Variants in FAM193A observed in about 807,000 individuals in gnomAD.
FAM193A encodes the protein family with sequence similarity 193 member A.
FAM193A carries 22 observed loss-of-function variants against 126.5 expected under a neutral mutation model. That is an observed-to-expected ratio of 0.17 (90% CI 0.12 to 0.25). The LOEUF (loss-of-function observed/expected upper bound fraction) is 0.25. Ranked by LOEUF, FAM193A falls within the 10% of genes least tolerant of loss-of-function variation. The pLI is 1.00. For synonymous variants in FAM193A, 761 were observed against 646.8 expected (o/e 1.18, Z -2.68); for missense variants, 1,675 against 1,672.8 (o/e 1.00, Z -0.02).
At chr4:2,665,888 C>T (rs1713055443) in intron 12 of FAM193A, among the ~76,000 whole-genome samples, 1 of 152,124 alleles carries the variant, frequency 6.6e-6, no homozygotes, top group Non-Finnish European at 1.5e-5. Context: ...GCTCTGTTGC[C>T]CAGGCTGGTG....
chr4:2,559,784 A>C (rs1738489427), intron 1 of FAM193A, among the ~76,000 whole-genome samples: 1 of 152,056 alleles, frequency 6.6e-6, no homozygotes, highest in African/African-American at 2.4e-5. Flanking sequence ...GGCTGCACGG[A>C]CAGCTGAGCG....
chr4:2,610,230 C>CAAAAA (rs1741782787), intron 2 of FAM193A, among the ~76,000 whole-genome samples: 1 of 151,936 alleles, frequency 6.6e-6, no homozygotes. Flanking sequence ...GACTCTGTCT[C>CAAAAA]AAAAACAAAA....
chr4:2,705,137 C>T (rs1329909207), intron 19 of FAM193A, among the ~76,000 whole-genome samples: 1 of 152,176 alleles, frequency 6.6e-6, no homozygotes, highest in Admixed American at 6.5e-5. Context: ...GTCTCAATCT[C>T]CTGACCTCAC....
chr4:2,651,350 A>C (rs1357759034), intron 7 of FAM193A, among the ~76,000 whole-genome samples: 3 of 152,122 alleles, frequency 2.0e-5, no homozygotes, highest in East Asian at 3.8e-4. Flanking sequence ...CCAATAAAAC[A>C]AAAAACCTAC....
intron 2 of FAM193A, among the ~76,000 whole-genome samples, chr4:2,601,427 G>T (rs1021355568): frequency 4.6e-5 from 7 of 151,704 alleles, no homozygotes; most frequent in Non-Finnish European, 1.0e-4. Flanking sequence ...TAGAGATGGG[G>T]TTTCGCCATG....
chr4:2,591,651 A>G (rs140684586), intron 1 of FAM193A, among the ~76,000 whole-genome samples: 1 of 152,164 alleles, frequency 6.6e-6, no homozygotes, highest in Non-Finnish European at 1.5e-5. Context: ...GTTTATAAGA[A>G]GTTTATCTGT....
chr4:2,623,855 T>C (rs536865618), intron 2 of FAM193A, among the ~76,000 whole-genome samples: 14 of 152,180 alleles, frequency 9.2e-5, no homozygotes, highest in Non-Finnish European at 1.9e-4. Context: ...AAGTCTCTCT[T>C]GTGACTGTAT....
At chr4:2,542,238 C>T (rs1464090934) in intron 1 of FAM193A, among the ~76,000 whole-genome samples, 2 of 152,082 alleles carry the variant, frequency 1.3e-5, no homozygotes, top group Admixed American at 6.6e-5. Context: ...AACTCCTGAC[C>T]TTGTGATCCA....
intron 5 of FAM193A, among the ~76,000 whole-genome samples, chr4:2,636,412 G>GA (rs1316845962): frequency 6.6e-6 from 1 of 152,104 alleles, no homozygotes; most frequent in Non-Finnish European, 1.5e-5. Context: ...TCTTCTCTGA[G>GA]AGTACACCAA....
chr4:2,608,230 G>T, intron 2 of FAM193A: 6 of 953,368 alleles, frequency 6.3e-6, no homozygotes, highest in Non-Finnish European at 9.4e-6. Flanking sequence ...CCAGTATGGA[G>T]TGCAGTGGTG....
Position 2,671,711 on chromosome 4 carries a change from G to C in FAM193A, c.2080-410G>C, listed in dbSNP as rs959955481. On this transcript the variant is annotated intron_variant, in intron 12 of 20. Coordinates refer to ENST00000637812, the MANE Select transcript of FAM193A (RefSeq NM_001366318.2). Reference sequence around the variant, plus strand: ...CTTCACTCCACCGTAACCGGAAGTCGCGTCTCTGCTTTGTTTTGGAGAATC... The same window carrying C: ...CTTCACTCCACCGTAACCGGAAGTCCCGTCTCTGCTTTGTTTTGGAGAATC... Among the ~76,000 whole-genome samples, 8 of 152,192 alleles carry C rather than the reference G, an allele frequency of 5.3e-5. No individual in the cohort carries two copies. The East Asian group carries it at 5.8e-4, about 11-fold the overall frequency.
chr4:2,713,682 C>G (rs975753794), intron 19 of FAM193A, among the ~76,000 whole-genome samples: 2 of 152,110 alleles, frequency 1.3e-5, no homozygotes, highest in Non-Finnish European at 2.9e-5. Flanking sequence ...TCAGAACACA[C>G]GGTATTCTTA....
chr4:2,581,955 T>C (rs1220876340), intron 1 of FAM193A, among the ~76,000 whole-genome samples: 2 of 152,090 alleles, frequency 1.3e-5, no homozygotes, highest in Non-Finnish European at 2.9e-5. Context: ...ACCTGGCTCT[T>C]CTCCTTTACT....
intron 15 of FAM193A, among the ~76,000 whole-genome samples, chr4:2,692,825 A>G (rs1716551337): frequency 7.0e-6 from 1 of 141,896 alleles, no homozygotes; most frequent in Admixed American, 7.0e-5. Flanking sequence ...TGATCATGGT[A>G]TTCAGCAAAA....
At chr4:2,721,090 G>C (rs1340069711) in intron 20 of FAM193A, among the ~76,000 whole-genome samples, 1 of 152,056 alleles carries the variant, frequency 6.6e-6, no homozygotes, top group Non-Finnish European at 1.5e-5. Context: ...GAGGCAGGTG[G>C]ATCACGAGGC....
intron 20 of FAM193A, among the ~76,000 whole-genome samples, chr4:2,720,466 AC>A (rs1720006049): frequency 6.6e-6 from 1 of 152,146 alleles, no homozygotes; most frequent in African/African-American, 2.4e-5. Flanking sequence ...AGCCTGAGCA[AC>A]ATAGCAAGAT....
chr4:2,592,177 C>T (rs975379350), intron 1 of FAM193A, among the ~76,000 whole-genome samples: 10 of 152,088 alleles, frequency 6.6e-5, no homozygotes, highest in South Asian at 2.1e-4. Flanking sequence ...CCGCAACCTC[C>T]GCCTCATGGG....
At chr4:2,553,414 C>G (rs1738066862) in intron 1 of FAM193A, among the ~76,000 whole-genome samples, 2 of 141,020 alleles carry the variant, frequency 1.4e-5, no homozygotes, top group African/African-American at 5.2e-5. Flanking sequence ...CGGAGTCTCA[C>G]ACTGTCGCCA....
chr4:2,667,803 C>CT (rs1222409497), intron 12 of FAM193A, among the ~76,000 whole-genome samples: 1 of 151,838 alleles, frequency 6.6e-6, no homozygotes, highest in Non-Finnish European at 1.5e-5. Flanking sequence ...TCTGTTGATT[C>CT]TTTTTTTAAT....
Sources: allele counts gnomAD v4.1 joint callset (sites outside exome capture counted in the v4.1 genomes callset), GRCh38; gene constraint gnomAD v4.1.1; transcripts MANE v1.5; gene names NCBI Gene and HGNC (gene_info 2026-07-23, HGNC 2026-07-21).